OTOP3: variants seen among roughly 807,000 people sequenced by gnomAD.
OTOP3 encodes the protein proton channel OTOP3.
Under a neutral mutation model 50.8 loss-of-function variants are expected in OTOP3, and 41 were observed. The observed-to-expected ratio is 0.81, with a 90% confidence interval of 0.63 to 1.05. OTOP3 has a LOEUF of 1.05. Among genes scored for constraint, OTOP3 ranks in the 50% least tolerant of loss-of-function variants. OTOP3 has a pLI of 0.00. For synonymous variants in OTOP3, 320 were observed against 324.4 expected (o/e 0.99, Z 0.14); for missense variants, 788 against 760.8 (o/e 1.04, Z -0.42).
At chr17:74,935,847 A>C (rs886694458), upstream of OTOP3, 31 of 1,530,476 alleles carry the variant, frequency 2.0e-5, no homozygotes, top group African/African-American at 4.0e-4. Flanking sequence ...CCGCTGGGGG[A>C]GGGCGTCGCG....
chr17:74,945,984 G>T (rs1261985911), intron 5 of OTOP3, among the ~76,000 whole-genome samples: 2 of 148,316 alleles, frequency 1.3e-5, no homozygotes, highest in African/African-American at 2.5e-5. Context: ...GTTTTTTGTG[G>T]TTTTTTTTTT....
intron 6 of OTOP3, among the ~76,000 whole-genome samples, chr17:74,948,314 A>G (rs1225276336): frequency 1.3e-5 from 2 of 152,154 alleles, no homozygotes; most frequent in African/African-American, 4.8e-5. Context: ...CCTTGAGCCC[A>G]GGAGTTTAAG....
chr17:74,937,064 G>C (rs1044037612), intron 1 of OTOP3, among the ~76,000 whole-genome samples: 1 of 147,002 alleles, frequency 6.8e-6, no homozygotes, highest in African/African-American at 2.5e-5. Flanking sequence ...CCAGGCTGAA[G>C]CAATCCTCCC....
intron 3 of OTOP3, among the ~76,000 whole-genome samples, chr17:74,942,680 C>A (rs2144783531): frequency 6.6e-6 from 1 of 150,866 alleles, no homozygotes; most frequent in Admixed American, 6.6e-5. Context: ...ACCTGTAATC[C>A]CAGCACTTTG....
At chr17:74,944,774 A>G (rs1184234325) in intron 5 of OTOP3, among the ~76,000 whole-genome samples, 1 of 152,196 alleles carries the variant, frequency 6.6e-6, no homozygotes, top group African/African-American at 2.4e-5. Flanking sequence ...ATAAAATAAG[A>G]TTCAAGCATT....
chr17:74,941,924 T>C lies in OTOP3; in HGVS notation c.460T>C (p.Cys154Arg), dbSNP rs751899341. 1.4e-5 allele frequency: 22 copies of C among 1,610,962 alleles called. No homozygotes were observed. The Admixed American group carries it at 2.2e-4, about 16-fold the overall frequency. ...AGGTTCCCTAGTGCTCTTCGGCAGC[T>C]GCACCTTCTGCCTCAACATCTTCCG... ...VRGSLVLFGS[C>R]TFCLNIFRVG... Residue 154 changes from cysteine to arginine, a missense_variant, in exon 3 of 7, where the codon TGC becomes CGC. By Grantham distance (180) the Cys-to-Arg change is radical (BLOSUM62 -3). Coordinates refer to ENST00000328801, the MANE Select transcript of OTOP3 (RefSeq NM_001272005.2).
At chr17:74,944,607 A>G (rs143777592) in intron 5 of OTOP3, among the ~76,000 whole-genome samples, 2 of 152,234 alleles carry the variant, frequency 1.3e-5, no homozygotes, top group Non-Finnish European at 2.9e-5. Flanking sequence ...AAATACAAAA[A>G]TTACCCAGGC....
At chr17:74,940,736 G>T (rs1373507781) in intron 1 of OTOP3, among the ~76,000 whole-genome samples, 1 of 152,158 alleles carries the variant, frequency 6.6e-6, no homozygotes, top group Non-Finnish European at 1.5e-5. Flanking sequence ...TCCATCCATG[G>T]AAAAATTGTC....
At position 74,941,503 on chromosome 17, in the gene OTOP3, C is replaced by A. The variant is rs762435985; in HGVS notation, c.130C>A (p.Arg44=). 1 of 1,613,210 alleles carries A rather than the reference C, an allele frequency of 6.2e-7. No homozygotes were observed. Among genetic ancestry groups the A allele is most frequent in the Non-Finnish European group, 8.5e-7 (1 of 1,179,468 alleles). The change falls in exon 2 of 7, where the codon CGG becomes AGG. Residue 44 remains arginine (R), a synonymous_variant. Coordinates refer to ENST00000328801, the MANE Select transcript of OTOP3 (RefSeq NM_001272005.2). ...GGCCGAGGAGAGAGCGGCCGCCACC[C>A]GGCCCCGGCAGAAGTCCTGGCTGGT... ...VGAEERAAAT[R]PRQKSWLVRH... is the part of the protein sequence containing the mutation.
At chr17:74,943,256 C>T in intron 3 of OTOP3, 30 bp from the exon 4 acceptor site, 5 of 1,609,648 alleles carry the variant, frequency 3.1e-6, no homozygotes, top group South Asian at 1.1e-5. Context: ...CCTCCACCAG[C>T]CCCTGGGCTC....
In OTOP3 at chr17:74,949,240, C is replaced by A; in HGVS notation, c.1567-6C>A. On this transcript the variant is annotated splice_region_variant and splice_polypyrimidine_tract_variant and intron_variant, in intron 6 of 6. Coordinates refer to ENST00000328801, the MANE Select transcript of OTOP3 (RefSeq NM_001272005.2). ...CTTCCCTAACTCAGCACATCCTCTT[C>A]CCCAGCTGTGGATGATGCCTGCATT... 6.2e-7 allele frequency: 1 copy of A among 1,613,282 alleles called. No individual in the cohort carries two copies. The highest frequency in any genetic ancestry group is 8.5e-7 in the Non-Finnish European group (1 of 1,179,576).
chr17:74,936,961 C>CGGTTTTT, intron 1 of OTOP3, among the ~76,000 whole-genome samples: 1 of 101,322 alleles, frequency 9.9e-6, no homozygotes, highest in Admixed American at 1.2e-4. Context: ...CCCCCCCACC[C>CGGTTTTT]TTTTTTTTTT....
rs548038262 is a variant in OTOP3 at position 74,941,878 on chromosome 17, C to T, written c.437-23C>T. 1.6e-5 allele frequency: 25 copies of T among 1,593,300 alleles called. No individual in the cohort carries two copies. In the South Asian group the frequency reaches 2.0e-4, roughly 13 times the overall value. Reference sequence around the variant, plus strand: ...AGAGCCGGTTCCGCGCAGGTGCCAACGCCCGCCCACATGTCCGGCCAGGTT... The same window carrying T: ...AGAGCCGGTTCCGCGCAGGTGCCAATGCCCGCCCACATGTCCGGCCAGGTT... On this transcript the variant is annotated intron_variant, in intron 2 of 6. Transcript: ENST00000328801.
intron 3 of OTOP3, 24 bp downstream of exon 3, chr17:74,942,061 C>A (rs2039182095): frequency 1.3e-6 from 2 of 1,591,306 alleles, no homozygotes; most frequent in Non-Finnish European, 8.6e-7. Context: ...CACGTCCCCA[C>A]ATCACCGAGG....
In OTOP3 at chr17:74,941,386, T is replaced by G; in HGVS notation, c.20-7T>G. ...CAGTTAACCCAGGACCCTTTCTCCA[T>G]CTCCAGCCCCTGCTGAGGCTACACC... is the stretch of plus-strand genomic sequence containing the variant. On this transcript the variant is annotated splice_region_variant and splice_polypyrimidine_tract_variant and intron_variant, in intron 1 of 6. Coordinates refer to ENST00000328801, the MANE Select transcript of OTOP3 (RefSeq NM_001272005.2). The G allele has an allele frequency of 2.0e-6, 3 of 1,481,482 alleles. No homozygotes were observed. Among genetic ancestry groups the G allele is most frequent in the Non-Finnish European group, 2.7e-6 (3 of 1,113,828 alleles). The allele number at this position is 1,481,482 out of a possible 1,614,324, so 91.8% of individuals were successfully genotyped here.
chr17:74,948,585 A>T (rs1001373396), intron 6 of OTOP3, among the ~76,000 whole-genome samples: 45 of 152,162 alleles, frequency 3.0e-4, no homozygotes, highest in African/African-American at 1.0e-3. Flanking sequence ...GCTCAAACCC[A>T]GGAGGCAGAG....
At chr17:74,937,397 A>G (rs2039129724) in intron 1 of OTOP3, among the ~76,000 whole-genome samples, 1 of 152,224 alleles carries the variant, frequency 6.6e-6, no homozygotes, top group African/African-American at 2.4e-5. Context: ...GTAGTCTAAG[A>G]TGACAGAGGT....
At position 74,946,723 on chromosome 17, in the gene OTOP3, T is replaced by C. The variant is rs2039228004; in HGVS notation, c.814T>C (p.Phe272Leu). The change falls in exon 6 of 7, where the codon TTC becomes CTC. Residue 272 changes from phenylalanine to leucine, a missense_variant. Transcript: ENST00000328801. ...ATACEAFRRG[F>L]LMLYPFSTEY... ...CGCGTGTGAAGCTTTCCGGAGAGGCTTCCTGATGCTCTACCCCTTCAGCAC... is the reference window on the plus strand; with the variant it reads ...CGCGTGTGAAGCTTTCCGGAGAGGCCTCCTGATGCTCTACCCCTTCAGCAC... 2.5e-6 allele frequency: 4 copies of C among 1,613,154 alleles called. No individual in the cohort carries two copies. Among genetic ancestry groups the C allele is most frequent in the Admixed American group, 3.3e-5 (2 of 60,010 alleles).
At chr17:74,937,559 A>G (rs1208968345) in intron 1 of OTOP3, among the ~76,000 whole-genome samples, 1 of 152,114 alleles carries the variant, frequency 6.6e-6, no homozygotes, top group African/African-American at 2.4e-5. Context: ...GCCTTGCTCA[A>G]TTTGGGTGGG....
Sources: allele counts gnomAD v4.1 joint callset (sites outside exome capture counted in the v4.1 genomes callset), GRCh38; gene constraint gnomAD v4.1.1; transcripts MANE v1.5; gene names NCBI Gene and HGNC (gene_info 2026-07-23, HGNC 2026-07-21).